Variants in RP1L1 observed in about 807,000 individuals in gnomAD.
The protein encoded by RP1L1 is RP1 like 1.
Under a neutral mutation model 15.7 loss-of-function variants are expected in RP1L1, and 27 were observed. The observed-to-expected ratio is 1.72, with a 90% CI of 1.27 to 2.38. The LOEUF is 2.38. Among genes scored for constraint, RP1L1 ranks in the 30% most tolerant of loss-of-function variants. RP1L1 has a pLI of 0.00. For missense variants in RP1L1, 4,798 were observed against 3,075.9 expected, an observed-to-expected ratio of 1.56 and a Z score of -13.24; for synonymous variants, 1,813 against 1,276.7, an observed-to-expected ratio of 1.42 and a Z score of -8.96.
chr8:10,631,055 G>T (rs1042939054), intron 1 of RP1L1, among the ~76,000 whole-genome samples: 2 of 152,134 alleles, frequency 1.3e-5, no homozygotes, highest in African/African-American at 4.8e-5. Flanking sequence ...TGGGGAGGAG[G>T]TTTGTTTACG....
chr8:10,647,242 C>T (rs541924064), intron 1 of RP1L1, among the ~76,000 whole-genome samples: 6 of 152,342 alleles, frequency 3.9e-5, no homozygotes, highest in South Asian at 4.1e-4. Flanking sequence ...AACGAATGTC[C>T]GCCCTCTGAC....
intron 1 of RP1L1, among the ~76,000 whole-genome samples, chr8:10,624,198 C>G (rs921109657): frequency 6.6e-6 from 1 of 152,224 alleles, no homozygotes; most frequent in African/African-American, 2.4e-5. Context: ...ATCACTCCCT[C>G]TCTCATGTAG....
At chr8:10,640,201 C>T (rs1798386846) in intron 1 of RP1L1, among the ~76,000 whole-genome samples, 1 of 152,188 alleles carries the variant, frequency 6.6e-6, no homozygotes, top group African/African-American at 2.4e-5. Context: ...TCGTTTGTTC[C>T]TTTGTCTTAG....
chr8:10,616,807 T>C (rs1797974549), intron 2 of RP1L1, among the ~76,000 whole-genome samples: 1 of 152,202 alleles, frequency 6.6e-6, no homozygotes, highest in African/African-American at 2.4e-5. Context: ...GCTCTAGCTA[T>C]ACCCCTCCCT....
At chr8:10,652,793 C>T (rs1264236427) in intron 1 of RP1L1, among the ~76,000 whole-genome samples, 1 of 152,236 alleles carries the variant, frequency 6.6e-6, no homozygotes, top group Non-Finnish European at 1.5e-5. Flanking sequence ...CTCCCGTCCT[C>T]TGTGCGTACC....
rs1436731548 is a variant in RP1L1, at chr8:10,622,965, G to A, written c.237C>T (p.Arg79=). 9.9e-6 allele frequency: 16 copies of A among 1,614,000 alleles called. No homozygotes were observed. Among genetic ancestry groups the A allele is most frequent in the Non-Finnish European group, 1.3e-5 (15 of 1,180,018 alleles). Reference sequence around the variant, plus strand: ...GCAGGCCCCGGGGTGTGGTGACAGAGCGCACCCCAAAGGAGAGAGGCACGC... The same window carrying A: ...GCAGGCCCCGGGGTGTGGTGACAGAACGCACCCCAAAGGAGAGAGGCACGC... ...SQRVPLSFGV[R]SVTTPRGLHS... The change falls in exon 2 of 4, where the codon CGC becomes CGT. Residue 79 remains arginine, a synonymous_variant. Transcript: ENST00000382483.
chr8:10,631,291 ACACAAACACGCATGCACACACACG>A (rs1376811741), intron 1 of RP1L1, among the ~76,000 whole-genome samples: 1 of 150,352 alleles, frequency 6.7e-6, no homozygotes, highest in African/African-American at 2.5e-5. Context: ...ACACACACGC[ACACAAACACGCATGCACACACACG>A]CACACACGCA....
At position 10,611,152 on chromosome 8, in the gene RP1L1, T is replaced by G. The variant is rs1393717199; in HGVS notation, c.2946A>C (p.Ala982=). The change falls in exon 4 of 4, where the codon GCA becomes GCC. Residue 982 remains alanine (A), a synonymous_variant. Coordinates refer to ENST00000382483, the MANE Select transcript of RP1L1 (RefSeq NM_178857.6). ...CGGGGCCTCTCAGGCCACCCCCAGC[T>G]GCACCTGTGGTCTCGTCCGCCAACT... ...TYELADETTG[A]AGGGLRGPEV... is the part of the protein sequence containing the mutation. 6.2e-7 allele frequency: 1 copy of G among 1,612,954 alleles called. No homozygotes were observed. Among genetic ancestry groups the G allele is most frequent in the Admixed American group, 1.7e-5 (1 of 60,032 alleles).
chr8:10,631,223 A>AC (rs34269127), intron 1 of RP1L1, among the ~76,000 whole-genome samples: 3 of 150,508 alleles, frequency 2.0e-5, no homozygotes, highest in Admixed American at 1.3e-4. Context: ...ACACACACAC[A>AC]AACGCACACA....
rs1212567241 is a variant in RP1L1, at chr8:10,607,374, C to T, written c.6724G>A (p.Glu2242Lys). ...TTTTTCTCACCTTGAGTTTCTCCTTCTGACTCTGGCTGGGCCTCCCCTTCA... is the reference window on the plus strand; with the variant it reads ...TTTTTCTCACCTTGAGTTTCTCCTTTTGACTCTGGCTGGGCCTCCCCTTCA... ...EAEGEAQPESEGETQGEKKGS... is the reference protein window; with the variant it reads ...EAEGEAQPESKGETQGEKKGS... Residue 2242 changes from glutamate (E) to lysine (K), a missense_variant, in exon 4 of 4, where the codon GAA becomes AAA. Transcript: ENST00000382483. 6.2e-7 allele frequency: 1 copy of T among 1,613,814 alleles called. No individual in the cohort carries two copies. The highest frequency in any genetic ancestry group is 8.5e-7 in the Non-Finnish European group (1 of 1,179,834).
At chr8:10,629,757 G>A (rs918611081) in intron 1 of RP1L1, among the ~76,000 whole-genome samples, 1 of 152,092 alleles carries the variant, frequency 6.6e-6, no homozygotes, top group African/African-American at 2.4e-5. Flanking sequence ...AGCTCCTCCT[G>A]TCTTTCTACC....
chr8:10,653,759 A>G (rs184284594), intron 1 of RP1L1, among the ~76,000 whole-genome samples: 2 of 152,278 alleles, frequency 1.3e-5, no homozygotes, highest in East Asian at 3.9e-4. Flanking sequence ...TGAGGTCACT[A>G]TAATTTGTAA....
intron 1 of RP1L1, among the ~76,000 whole-genome samples, chr8:10,652,339 C>T (rs866876619): frequency 2.0e-4 from 30 of 152,320 alleles, no homozygotes; most frequent in African/African-American, 5.3e-4. Context: ...GTAAGGCTGA[C>T]AATATAGATA....
At chr8:10,628,261 G>A (rs569178910) in intron 1 of RP1L1, among the ~76,000 whole-genome samples, 14 of 152,338 alleles carry the variant, frequency 9.2e-5, no homozygotes, top group Admixed American at 5.2e-4. Context: ...ACATGAGGCT[G>A]TGCTGTCCCT....
chr8:10,643,879 G>C (rs1054183057), intron 1 of RP1L1, among the ~76,000 whole-genome samples: 1 of 151,986 alleles, frequency 6.6e-6, no homozygotes, highest in Admixed American at 6.6e-5. Flanking sequence ...AGCAACCAGA[G>C]TGTTACCAGA....
intron 1 of RP1L1, among the ~76,000 whole-genome samples, chr8:10,640,673 T>A (rs971332812): frequency 6.6e-6 from 1 of 150,902 alleles, no homozygotes; most frequent in Non-Finnish European, 1.5e-5. Flanking sequence ...TAATAATTAT[T>A]ATTATTAATA....
chr8:10,611,636 T>C lies in RP1L1; in HGVS notation c.2462A>G (p.His821Arg), dbSNP rs372479346. 7.7e-5 allele frequency: 124 copies of C among 1,612,572 alleles called. No individual in the cohort carries two copies. In the African/African-American group the frequency reaches 1.5e-3, roughly 19 times the overall value. The change falls in exon 4 of 4, where the codon CAC becomes CGC. Residue 821 changes from histidine to arginine, a missense_variant. Transcript: ENST00000382483. ...AGGCTGTGAGCAGCAGTGGCTTCGG[T>C]GGGGGCCCACCGCCCCTTGCTCAGG... ...GRPEQGAVGP[H>R]RSHCCSQPGT... is the part of the protein sequence containing the mutation.
rs1207972652 is a variant in RP1L1 at position 10,609,557 on chromosome 8, C to A, written c.4541G>T (p.Cys1514Phe). ...TAACACGGACACCCAGATGGGGTCG[C>A]AGTCCAGAGCCGCGCTGCAGGCCAC... ...SSVACSAALD[C>F]DPIWVSVLLK... The change falls in exon 4 of 4, where the codon TGC becomes TTC. Residue 1514 changes from cysteine to phenylalanine, a missense_variant. Physicochemically the swap from Cys to Phe is radical, Grantham distance 205. Transcript: ENST00000382483. 6 of 1,602,778 alleles carry A rather than the reference C, an allele frequency of 3.7e-6. No individual in the cohort carries two copies. Among genetic ancestry groups the A allele is most frequent in the Non-Finnish European group, 5.1e-6 (6 of 1,176,046 alleles).
In RP1L1 at chr8:10,612,609, C is replaced by G; in HGVS notation, c.1489G>C (p.Gly497Arg). 5 of 1,602,568 alleles carry G rather than the reference C, an allele frequency of 3.1e-6. No individual in the cohort carries two copies. Among genetic ancestry groups the G allele is most frequent in the Non-Finnish European group, 4.2e-6 (5 of 1,179,348 alleles). The change falls in exon 4 of 4, where the codon GGG becomes CGG. Residue 497 changes from glycine to arginine, a missense_variant. By Grantham distance (125) the Gly-to-Arg change is moderately radical (BLOSUM62 -2). Transcript: ENST00000382483. Reference sequence around the variant, plus strand: ...AGGCCGGGGTCCTCACCCAGGCTCCCTCCAGCTTTCCGCTCAGCCCCTATC... The same window carrying G: ...AGGCCGGGGTCCTCACCCAGGCTCCGTCCAGCTTTCCGCTCAGCCCCTATC... ...AQIGAERKAG[G>R]SLGEDPGLCI...
Sources: allele counts gnomAD v4.1 joint callset (sites outside exome capture counted in the v4.1 genomes callset), GRCh38; gene constraint gnomAD v4.1.1; transcripts MANE v1.5; gene names NCBI Gene and HGNC (gene_info 2026-07-23, HGNC 2026-07-21).